TXNDC11: variants seen among roughly 807,000 people sequenced by gnomAD.
TXNDC11 encodes thioredoxin domain-containing protein 11.
Under a neutral mutation model 78.0 loss-of-function variants are expected in TXNDC11, and 68 were observed. The observed-to-expected ratio is 0.87, with a 90% confidence interval of 0.72 to 1.07. TXNDC11 has a LOEUF of 1.07. TXNDC11 is among the 50% of genes least tolerant of loss of function. TXNDC11 has a pLI of 0.00. For synonymous variants in TXNDC11, 571 were observed against 495.2 expected (o/e 1.15, Z -2.03); for missense variants, 1,389 against 1,221.8 (o/e 1.14, Z -2.04).
At chr16:11,722,902 AC>A (rs2051753635) in intron 4 of TXNDC11, among the ~76,000 whole-genome samples, 1 of 152,216 alleles carries the variant, frequency 6.6e-6, no homozygotes, top group African/African-American at 2.4e-5. Flanking sequence ...TCCAATCTAA[AC>A]CACTTGCTTG....
intron 5 of TXNDC11, among the ~76,000 whole-genome samples, chr16:11,701,529 TAAG>T (rs2051026332): frequency 6.6e-6 from 1 of 152,130 alleles, no homozygotes; most frequent in Non-Finnish European, 1.5e-5. Context: ...GGTGTATAGT[TAAG>T]AGGTCAAAAA....
At chr16:11,709,423 ATTTTTTTTTTTTTTTTT>A (rs149701958) in intron 5 of TXNDC11, among the ~76,000 whole-genome samples, 3 of 55,592 alleles carry the variant, frequency 5.4e-5, no homozygotes, top group African/African-American at 7.8e-5. Flanking sequence ...AATTTTTTGT[ATTTTTTTTTTTTTTTTT>A]TTTTTTTTTT....
At chr16:11,738,353 A>T (rs11642852) in intron 1 of TXNDC11, among the ~76,000 whole-genome samples, 1 of 152,026 alleles carries the variant, frequency 6.6e-6, no homozygotes, top group Non-Finnish European at 1.5e-5. Context: ...TCACTTACAC[A>T]ATTATTCAAA....
intron 7 of TXNDC11, among the ~76,000 whole-genome samples, chr16:11,692,477 A>C (rs1249779075): frequency 6.6e-6 from 1 of 152,210 alleles, no homozygotes; most frequent in Non-Finnish European, 1.5e-5. Flanking sequence ...AGATATGCCA[A>C]AGAGAAGCCA....
In TXNDC11 at chr16:11,733,962, G is replaced by A. The variant is rs773627399; in HGVS notation, c.569+20C>T. ...GGCAAACTAAACTGGAATGAGAGAC[G>A]CTATTTAAAAAGTTCTTACCTCCGA... On this transcript the variant is annotated intron_variant, in intron 3 of 11. Coordinates refer to ENST00000283033, the MANE Select transcript of TXNDC11 (RefSeq NM_015914.7). 2.6e-5 allele frequency: 40 copies of A among 1,531,992 alleles called. No individual in the cohort carries two copies. Among genetic ancestry groups the A allele is most frequent in the Non-Finnish European group, 3.4e-5 (38 of 1,110,360 alleles). 94.9% of individuals were successfully genotyped at this position (1,531,992 alleles called of 1,614,324 possible).
In TXNDC11 at chr16:11,734,017, G is replaced by A; in HGVS notation, c.534C>T (p.Phe178=). 1 of 1,606,564 alleles carries A rather than the reference G, an allele frequency of 6.2e-7. No individual in the cohort carries two copies. The highest frequency in any genetic ancestry group is 8.5e-7 in the Non-Finnish European group (1 of 1,178,380). The change falls in exon 3 of 12, where the codon TTC becomes TTT. Residue 178 remains phenylalanine (F), a synonymous_variant. Transcript: ENST00000283033. ...ACAGATATATTACAGGAAAATAAAA[G>A]AAGTGTTTCTGTTTTCTGCATTTCC... is the stretch of plus-strand genomic sequence containing the variant. ...NQGKCRKQKH[F]FYFPVIYLYH...
chr16:11,742,792 C>A lies in TXNDC11; in HGVS notation c.-62G>T. 4 of 1,394,708 alleles carry A rather than the reference C, an allele frequency of 2.9e-6. No homozygotes were observed. The highest frequency in any genetic ancestry group is 3.7e-6 in the Non-Finnish European group (4 of 1,079,980). 86.4% of individuals were successfully genotyped at this position (1,394,708 alleles called of 1,614,324 possible). On this transcript the variant is annotated 5_prime_UTR_variant, in exon 1 of 12. Transcript: ENST00000283033. Reference sequence around the variant, plus strand: ...CCGCCTCGGGCCCGAAGGCCCGGCCCGGCCCGTTGCTCCCCAATCCCGCAG... The same window carrying A: ...CCGCCTCGGGCCCGAAGGCCCGGCCAGGCCCGTTGCTCCCCAATCCCGCAG...
In TXNDC11 at chr16:11,735,842, C is replaced by T. The variant is rs184756728; in HGVS notation, c.471+175G>A. 1.8e-4 allele frequency among the ~76,000 whole-genome samples: 27 copies of T among 152,260 alleles called. 1 individual carries two copies. Among genetic ancestry groups the T allele is most frequent in the Admixed American group, 6.5e-4 (10 of 15,290 alleles). On this transcript the variant is annotated intron_variant, in intron 2 of 11. Transcript: ENST00000283033. ...TCCCACACTTGCCTTGGAGTACAAT[C>T]GCCACAATTGGAAATCCTTTCTGTT...
chr16:11,717,434 GA>G (rs58884197), intron 5 of TXNDC11, among the ~76,000 whole-genome samples: 5,333 of 62,252 alleles, frequency 0.086, 46 homozygotes, highest in South Asian at 0.18. Flanking sequence ...GACTCCAAAT[GA>G]AAAAAAAAAA....
At chr16:11,694,155 G>T (rs1356954850) in intron 7 of TXNDC11, among the ~76,000 whole-genome samples, 1 of 133,182 alleles carries the variant, frequency 7.5e-6, no homozygotes, top group Non-Finnish European at 1.5e-5. Flanking sequence ...TGTTGCCCAG[G>T]CCGGAGTACA....
rs572797650 is a variant in TXNDC11, at chr16:11,700,551, T to C, written c.807A>G (p.Thr269=). 6.3e-6 allele frequency: 10 copies of C among 1,586,204 alleles called. No homozygotes were observed. The highest frequency in any genetic ancestry group is 1.7e-5 in the Admixed American group (1 of 59,166). Residue 269 remains threonine, a synonymous_variant, in exon 6 of 12, where the codon ACA becomes ACG. Transcript: ENST00000283033. ...LHSLKKDYLG[T]VRFGVITNKH... is the part of the protein sequence containing the mutation. ...TATTTGTGATAACCCCAAATCGTAC[T>C]GTTCCTAGGTAATCTGAAACAGAAA...
At chr16:11,691,257 A>C (rs774442548) in intron 8 of TXNDC11, 33 bp downstream of exon 8, 3 of 1,561,668 alleles carry the variant, frequency 1.9e-6, no homozygotes, top group Non-Finnish European at 2.6e-6. Flanking sequence ...AGCAAAATGT[A>C]CAATGCTTGG....
intron 1 of TXNDC11, chr16:11,741,897 G>A (rs1358627640): frequency 1.3e-5 from 2 of 152,314 alleles, no homozygotes; most frequent in Non-Finnish European, 2.9e-5. Context: ...GCCAGGCGTG[G>A]TGGCGCGCGC....
chr16:11,691,825 C>T lies in TXNDC11; in HGVS notation c.1365G>A (p.Pro455=), dbSNP rs773327142. The change falls in exon 8 of 12, where the codon CCG becomes CCA. Residue 455 remains proline (P), a synonymous_variant. Coordinates refer to ENST00000283033, the MANE Select transcript of TXNDC11 (RefSeq NM_015914.7). The part of the protein sequence containing the change: ...CVNQTSGGMK[P]SSVSVPQCSF... Reference sequence around the variant, plus strand: ...TGCACTGTGGCACGCTGACCGAGCTCGGCTTCATGCCCCCGGAGGTCTGGT... The same window carrying T: ...TGCACTGTGGCACGCTGACCGAGCTTGGCTTCATGCCCCCGGAGGTCTGGT... 5 of 1,614,264 alleles carry T rather than the reference C, an allele frequency of 3.1e-6. No individual in the cohort carries two copies. Among genetic ancestry groups the T allele is most frequent in the Admixed American group, 3.3e-5 (2 of 60,030 alleles).
chr16:11,681,091 G>A (rs998660540), intron 11 of TXNDC11, among the ~76,000 whole-genome samples: 1 of 152,214 alleles, frequency 6.6e-6, no homozygotes, highest in Non-Finnish European at 1.5e-5. Flanking sequence ...AGGATCACTT[G>A]AGTCCAGGAG....
intron 5 of TXNDC11, among the ~76,000 whole-genome samples, chr16:11,710,730 C>T (rs961502802): frequency 4.6e-5 from 7 of 152,164 alleles, no homozygotes; most frequent in Non-Finnish European, 1.0e-4. Flanking sequence ...AGGAAGATCA[C>T]CTGAGCCTCG....
intron 10 of TXNDC11, among the ~76,000 whole-genome samples, chr16:11,686,294 A>G (rs2050566274): frequency 6.6e-6 from 1 of 152,176 alleles, no homozygotes; most frequent in South Asian, 2.1e-4. Flanking sequence ...GTTGTCATAT[A>G]TTTCATACTC....
chr16:11,694,296 G>A (rs539528609), intron 7 of TXNDC11, among the ~76,000 whole-genome samples: 4 of 151,482 alleles, frequency 2.6e-5, no homozygotes, highest in South Asian at 2.1e-4. Flanking sequence ...TTTTTATTTC[G>A]CCTGGTTAAT....
intron 5 of TXNDC11, among the ~76,000 whole-genome samples, chr16:11,706,160 G>A (rs76815491): frequency 0.031 from 4,790 of 152,292 alleles, 110 homozygotes; most frequent in Non-Finnish European, 0.041. Flanking sequence ...CAAGATCTCT[G>A]TTAACCATAC....
Sources: gnomAD v4.1 joint callset for allele counts (sites outside exome capture counted in the v4.1 genomes callset) on GRCh38, gnomAD v4.1.1 for gene constraint, MANE v1.5 for transcripts, NCBI Gene and HGNC (gene_info 2026-07-23, HGNC 2026-07-21) for gene names.